The following AFG1L variants were observed in gnomAD, a reference collection of about 807,000 sequenced individuals.
The protein encoded by AFG1L is AFG1 like ATPase.
Under a neutral mutation model 62.2 loss-of-function variants are expected in AFG1L, and 53 were observed. The observed-to-expected ratio is 0.85, with a 90% CI of 0.68 to 1.07. The LOEUF is 1.07. Ranked by LOEUF, AFG1L falls within the 50% of genes least tolerant of loss-of-function variation. The probability of loss-of-function intolerance (pLI) is 0.00; values close to 1 mark genes in which losing one functional copy is unlikely to be tolerated. For missense variants in AFG1L, 555 were observed against 590.5 expected (o/e 0.94, Z 0.62); for synonymous variants, 228 against 210.3 (o/e 1.08, Z -0.73).
At chr6:108,478,854 G>A (rs1036423064) in intron 10 of AFG1L, among the ~76,000 whole-genome samples, 12 of 152,062 alleles carry the variant, frequency 7.9e-5, no homozygotes, top group Admixed American at 7.9e-4. Flanking sequence ...ACAGGAAAAG[G>A]CCACTTATCA....
intron 5 of AFG1L, among the ~76,000 whole-genome samples, chr6:108,358,343 A>G (rs1779381763): frequency 6.6e-6 from 1 of 152,224 alleles, no homozygotes; most frequent in South Asian, 2.1e-4. Context: ...CCTTTGTAAA[A>G]TGATCCGTAG....
chr6:108,412,662 A>T (rs1236904452), intron 7 of AFG1L, among the ~76,000 whole-genome samples: 1 of 152,218 alleles, frequency 6.6e-6, no homozygotes, highest in African/African-American at 2.4e-5. Context: ...ATCCAGCCAA[A>T]CTAAGCTTCA....
Position 108,433,212 on chromosome 6 carries a change from AT to A in AFG1L, c.808-13999del, listed in dbSNP as rs531261916. Among the ~76,000 whole-genome samples the A allele has an allele frequency of 2.4e-4, 37 of 152,286 alleles. No homozygotes were observed. In the South Asian group the frequency reaches 7.7e-3, roughly 32 times the overall value. ...TGTGAACAAATAAATCTGCTTTATT[AT>A]TTAATTGGTCTTCTGATACATGTGA... is the stretch of plus-strand genomic sequence containing the variant. On this transcript the variant is annotated intron_variant, in intron 7 of 12. Coordinates refer to ENST00000368977, the MANE Select transcript of AFG1L (RefSeq NM_145315.5).
At chr6:108,398,159 ATGATAC>A (rs1781400052) in intron 6 of AFG1L, among the ~76,000 whole-genome samples, 1 of 152,136 alleles carries the variant, frequency 6.6e-6, no homozygotes, top group African/African-American at 2.4e-5. Context: ...CTGGGGTGAG[ATGATAC>A]TTCATTGTAG....
At chr6:108,353,282 G>T (rs1779150247) in intron 3 of AFG1L, among the ~76,000 whole-genome samples, 1 of 151,512 alleles carries the variant, frequency 6.6e-6, no homozygotes, top group South Asian at 2.1e-4. Flanking sequence ...AGCATCCTGA[G>T]TAGCTGGGAC....
rs543336889 is a variant in AFG1L, at chr6:108,496,166, A to G, written c.1063-14046A>G. 4.0e-4 allele frequency among the ~76,000 whole-genome samples: 61 copies of G among 152,374 alleles called. 1 individual carries two copies. The South Asian group carries it at 0.012, about 30-fold the overall frequency. On this transcript the variant is annotated intron_variant, in intron 10 of 12. Transcript: ENST00000368977. ...ATAGGAGGATCAACTAATGCAAAAC[A>G]AAAGTATAAATATTTGCAACTGCCA...
At chr6:108,431,840 T>C (rs547661881) in intron 7 of AFG1L, among the ~76,000 whole-genome samples, 1 of 151,992 alleles carries the variant, frequency 6.6e-6, no homozygotes, top group African/African-American at 2.4e-5. Flanking sequence ...TGCCTCGGCC[T>C]CCCAAAGTGC....
intron 8 of AFG1L, among the ~76,000 whole-genome samples, chr6:108,466,543 G>A (rs1282946583): frequency 6.6e-6 from 1 of 151,794 alleles, no homozygotes; most frequent in Non-Finnish European, 1.5e-5. Context: ...CAATAGGACT[G>A]GTGTTCTCAT....
chr6:108,340,417 G>T (rs1407077675), intron 2 of AFG1L, among the ~76,000 whole-genome samples: 2 of 149,294 alleles, frequency 1.3e-5, no homozygotes, highest in Non-Finnish European at 3.0e-5. Context: ...AGGCTGGAGT[G>T]CAGTGGTGTG....
At chr6:108,508,246 G>A (rs1774499124) in intron 10 of AFG1L, among the ~76,000 whole-genome samples, 2 of 152,150 alleles carry the variant, frequency 1.3e-5, no homozygotes, top group East Asian at 1.9e-4. Flanking sequence ...CTATTAACAC[G>A]TGCTCCTGGT....
intron 1 of AFG1L, among the ~76,000 whole-genome samples, chr6:108,303,699 A>T (rs1317179090): frequency 2.0e-5 from 3 of 152,176 alleles, no homozygotes; most frequent in African/African-American, 7.2e-5. Flanking sequence ...TGAGCATGTA[A>T]TTCTTTATAG....
intron 8 of AFG1L, among the ~76,000 whole-genome samples, chr6:108,451,266 A>G (rs1182582344): frequency 6.6e-6 from 1 of 152,240 alleles, no homozygotes; most frequent in Non-Finnish European, 1.5e-5. Flanking sequence ...ATTAATCTTC[A>G]TCAACTCAGT....
intron 3 of AFG1L, among the ~76,000 whole-genome samples, chr6:108,347,901 A>G (rs1778924307): frequency 6.6e-6 from 1 of 152,022 alleles, no homozygotes; most frequent in Admixed American, 6.5e-5. Flanking sequence ...CAAAACTCAC[A>G]TTCACATGTA....
chr6:108,455,363 T>C (rs1435696176), intron 8 of AFG1L, among the ~76,000 whole-genome samples: 1 of 152,176 alleles, frequency 6.6e-6, no homozygotes, highest in Admixed American at 6.5e-5. Flanking sequence ...ATCAAAAGAT[T>C]TTTAAAAAGA....
intron 10 of AFG1L, among the ~76,000 whole-genome samples, chr6:108,489,021 GA>G (rs1773677029): frequency 6.6e-6 from 1 of 152,160 alleles, no homozygotes; most frequent in South Asian, 2.1e-4. Context: ...TAACTATCCA[GA>G]AGGCACTGCT....
At position 108,518,439 on chromosome 6, in the gene AFG1L, A is replaced by G. The variant is rs1243294298; in HGVS notation, c.1204-1258A>G. ...ACCGCATGTTCTCACTCATAGGTGG[A>G]AATTGAACAATGAGAACACATGGAC... On this transcript the variant is annotated intron_variant, in intron 11 of 12. Coordinates refer to ENST00000368977, the MANE Select transcript of AFG1L (RefSeq NM_145315.5). Among the ~76,000 whole-genome samples, 3 of 149,630 alleles carry G rather than the reference A, an allele frequency of 2.0e-5. No individual in the cohort carries two copies. In the East Asian group the frequency reaches 6.0e-4, roughly 30 times the overall value.
At chr6:108,397,849 A>G (rs750091175) in intron 6 of AFG1L, among the ~76,000 whole-genome samples, 62 of 152,294 alleles carry the variant, frequency 4.1e-4, no homozygotes, top group Non-Finnish European at 6.9e-4. Flanking sequence ...TTATCCATTC[A>G]TCTGTTGATG....
intron 6 of AFG1L, among the ~76,000 whole-genome samples, chr6:108,397,520 G>T (rs933036563): frequency 8.5e-5 from 13 of 152,200 alleles, no homozygotes; most frequent in African/African-American, 3.1e-4. Flanking sequence ...GCCTCCCAAA[G>T]TGCTGGGATT....
At chr6:108,409,990 TG>T (rs747519173) in intron 7 of AFG1L, among the ~76,000 whole-genome samples, 8 of 152,218 alleles carry the variant, frequency 5.3e-5, no homozygotes, top group Non-Finnish European at 8.8e-5. Context: ...TATTTCCTAT[TG>T]TATGATCCCC....
Sources: allele counts gnomAD v4.1 joint callset (sites outside exome capture counted in the v4.1 genomes callset), GRCh38; gene constraint gnomAD v4.1.1; transcripts MANE v1.5; gene names NCBI Gene and HGNC (gene_info 2026-07-23, HGNC 2026-07-21).